The following RBFOX1 variants were observed in gnomAD, a reference collection of about 807,000 sequenced individuals.
The protein encoded by RBFOX1 is RNA binding fox-1 homolog 1.
Under a neutral mutation model 57.7 loss-of-function variants are expected in RBFOX1, and 8 were observed. The ratio of observed to expected loss-of-function variants is 0.14; its 90% CI spans 0.08 to 0.25. RBFOX1 has a LOEUF of 0.25. Ranked by LOEUF, RBFOX1 falls within the 10% of genes least tolerant of loss-of-function variation. RBFOX1 has a pLI of 1.00. For synonymous variants in RBFOX1, 326 were observed against 222.4 expected (o/e 1.47, Z -4.15); for missense variants, 611 against 548.5 (o/e 1.11, Z -1.14).
chr16:6,211,752 A>C (rs1183153798), intron 1 of RBFOX1, among the ~76,000 whole-genome samples: 1 of 152,132 alleles, frequency 6.6e-6, no homozygotes, highest in Non-Finnish European at 1.5e-5. Context: ...GCTTCTAAGA[A>C]TTGATTTTGT....
chr16:7,056,244 T>C (rs1014744521), intron 4 of RBFOX1, among the ~76,000 whole-genome samples: 2 of 152,158 alleles, frequency 1.3e-5, no homozygotes, highest in Admixed American at 6.5e-5. Context: ...CAGAGAACTA[T>C]TGGGATTACT....
At chr16:7,018,409 G>A (rs1015233103) in intron 3 of RBFOX1, among the ~76,000 whole-genome samples, 1 of 152,118 alleles carries the variant, frequency 6.6e-6, no homozygotes, top group African/African-American at 2.4e-5. Context: ...TTGTGTGTGC[G>A]TGGGTGTTCA....
chr16:7,670,879 C>T (rs530029630), intron 13 of RBFOX1, among the ~76,000 whole-genome samples: 24 of 152,242 alleles, frequency 1.6e-4, no homozygotes, highest in East Asian at 7.7e-4. Context: ...CATCCTAGTC[C>T]GCACAAGGAT....
At chr16:7,669,288 GTTGACCT>G (rs2070569458) in intron 13 of RBFOX1, among the ~76,000 whole-genome samples, 1 of 152,174 alleles carries the variant, frequency 6.6e-6, no homozygotes, top group Non-Finnish European at 1.5e-5. Flanking sequence ...ACATCTGTTG[GTTGACCT>G]TCTCAGAAAG....
At position 6,582,927 on chromosome 16, in the gene RBFOX1, C is replaced by G. The variant is rs576863670; in HGVS notation, c.-63-71676C>G. ...TATTACTATTATTTGCAATTTTTCTCCCCTCCCCTCCCCTCCTCTTTTCTC... is the reference window on the plus strand; with the variant it reads ...TATTACTATTATTTGCAATTTTTCTGCCCTCCCCTCCCCTCCTCTTTTCTC... On this transcript the variant is annotated intron_variant, in intron 2 of 15. Transcript: ENST00000550418. 3.7e-3 allele frequency among the ~76,000 whole-genome samples: 553 copies of G among 151,188 alleles called. 4 individuals carry two copies. The highest frequency in any genetic ancestry group is 6.2e-3 in the Non-Finnish European group (421 of 67,786).
At chr16:7,617,172 A>G (rs2058579923) in intron 10 of RBFOX1, among the ~76,000 whole-genome samples, 1 of 152,188 alleles carries the variant, frequency 6.6e-6, no homozygotes, top group Admixed American at 6.5e-5. Flanking sequence ...AGGGGTCTTC[A>G]AACAACTTAT....
intron 1 of RBFOX1, among the ~76,000 whole-genome samples, chr16:5,295,626 T>C (rs2063647626): frequency 6.6e-6 from 1 of 152,160 alleles, no homozygotes; most frequent in Admixed American, 6.5e-5. Flanking sequence ...CACGTGGGCC[T>C]CTCCATCTGG....
chr16:7,069,517 A>T (rs2056876778), intron 4 of RBFOX1, among the ~76,000 whole-genome samples: 2 of 152,152 alleles, frequency 1.3e-5, no homozygotes, highest in African/African-American at 4.8e-5. Context: ...TCCTTGCAAA[A>T]GACATGATAG....
At chr16:7,209,488 C>A (rs559644421) in intron 4 of RBFOX1, among the ~76,000 whole-genome samples, 3 of 152,306 alleles carry the variant, frequency 2.0e-5, no homozygotes, top group South Asian at 4.1e-4. Flanking sequence ...TTTGCACTTG[C>A]AGTTGGCTCC....
At chr16:7,071,131 G>A (rs1291516435) in intron 4 of RBFOX1, among the ~76,000 whole-genome samples, 4 of 152,254 alleles carry the variant, frequency 2.6e-5, no homozygotes, top group African/African-American at 9.6e-5. Flanking sequence ...CTTCACAAGT[G>A]GAGCTTCTCG....
Position 7,628,289 on chromosome 16 carries a change from C to CT in RBFOX1, c.677-2313dup, listed in dbSNP as rs75673046. On this transcript the variant is annotated intron_variant, in intron 10 of 15. Coordinates refer to ENST00000550418, the MANE Select transcript of RBFOX1 (RefSeq NM_018723.4). Reference sequence around the variant, plus strand: ...TTCCCTAAATCCACTTGCTAGGATCCTATCGTAGATGATTCCGACCTGATA... The same window carrying CT: ...TTCCCTAAATCCACTTGCTAGGATCCTTATCGTAGATGATTCCGACCTGATA... Among the ~76,000 whole-genome samples the CT allele has an allele frequency of 4.4e-3, 667 of 152,192 alleles. 13 individuals carry two copies. Among genetic ancestry groups the CT allele is most frequent in the East Asian group, 0.022 (116 of 5,164 alleles).
At chr16:5,522,847 C>G (rs1367839170) in intron 2 of RBFOX1, among the ~76,000 whole-genome samples, 1 of 152,186 alleles carries the variant, frequency 6.6e-6, no homozygotes, top group Non-Finnish European at 1.5e-5. Flanking sequence ...CCAGTTCTAT[C>G]CCAACTGCTA....
chr16:7,320,502 A>T (rs2096527308), intron 4 of RBFOX1, among the ~76,000 whole-genome samples: 1 of 152,110 alleles, frequency 6.6e-6, no homozygotes. Flanking sequence ...TGTTGATTCC[A>T]TGTCTTTGCT....
chr16:6,616,379 T>G (rs1450409444), intron 2 of RBFOX1, among the ~76,000 whole-genome samples: 1 of 151,838 alleles, frequency 6.6e-6, no homozygotes, highest in African/African-American at 2.4e-5. Flanking sequence ...TAAAAATGTT[T>G]GGTTTTTTTT....
intron 1 of RBFOX1, among the ~76,000 whole-genome samples, chr16:6,219,410 G>A (rs1476957511): frequency 2.6e-5 from 4 of 152,294 alleles, no homozygotes. Flanking sequence ...GTTGTGCCAC[G>A]ACACTCCAGC....
chr16:6,528,101 C>T (rs1017912556), intron 2 of RBFOX1, among the ~76,000 whole-genome samples: 1 of 152,168 alleles, frequency 6.6e-6, no homozygotes, highest in African/African-American at 2.4e-5. Context: ...GAAACCTTTC[C>T]TGATTCACCC....
intron 2 of RBFOX1, among the ~76,000 whole-genome samples, chr16:6,566,929 A>G (rs17140613): frequency 0.011 from 1,674 of 152,324 alleles, 46 homozygotes; most frequent in African/African-American, 0.039. Flanking sequence ...ACCACAAAAA[A>G]TTGACATGTT....
At chr16:6,360,680 T>C (rs1244388566) in intron 2 of RBFOX1, among the ~76,000 whole-genome samples, 1 of 152,222 alleles carries the variant, frequency 6.6e-6, no homozygotes, top group African/African-American at 2.4e-5. Context: ...TTATCTGAAA[T>C]AATCATCACA....
intron 10 of RBFOX1, among the ~76,000 whole-genome samples, chr16:7,612,320 CAAAAAAAAAAAAA>C (rs60248765): frequency 1.4e-5 from 1 of 71,476 alleles, no homozygotes; most frequent in Non-Finnish European, 2.5e-5. Flanking sequence ...GACTCCATCT[CAAAAAAAAAAAAA>C]AAAAAAAAAA....
Sources: allele counts gnomAD v4.1 joint callset (sites outside exome capture counted in the v4.1 genomes callset), GRCh38; gene constraint gnomAD v4.1.1; transcripts MANE v1.5; gene names NCBI Gene and HGNC (gene_info 2026-07-23, HGNC 2026-07-21).